The following POLRMT variants were observed in gnomAD, a reference collection of about 807,000 sequenced individuals.
POLRMT encodes the protein DNA-directed RNA polymerase, mitochondrial.
A neutral mutation model predicts 132.2 loss-of-function variants in POLRMT; 114 were observed. The ratio of observed to expected loss-of-function variants is 0.86; its 90% CI spans 0.74 to 1.01. The LOEUF is 1.01. Among genes scored for constraint, POLRMT ranks in the 50% least tolerant of loss-of-function variants. The pLI, the probability that POLRMT is intolerant of heterozygous loss-of-function variation, is 0.00. For synonymous variants in POLRMT, 1,020 were observed against 773.4 expected (o/e 1.32, Z -5.29); for missense variants, 2,003 against 1,729.1 (o/e 1.16, Z -2.81).
chr19:619,818 G>T, intron 12 of POLRMT, 53 bp from the exon 13 acceptor site: 2 of 1,549,798 alleles, frequency 1.3e-6, no homozygotes, highest in Admixed American at 1.9e-5. Flanking sequence ...CAGCCCAGGG[G>T]CCACCAAGCA....
chr19:618,821 AGGT>A, intron 15 of POLRMT, 61 bp from the exon 16 acceptor site: 1 of 1,522,274 alleles, frequency 6.6e-7, no homozygotes, highest in Non-Finnish European at 8.9e-7. Flanking sequence ...TGGTACATTG[AGGT>A]GGTGGTACAC....
chr19:622,459 T>C, intron 8 of POLRMT, 86 bp from the exon 9 acceptor site: 3 of 1,461,624 alleles, frequency 2.1e-6, no homozygotes, highest in Non-Finnish European at 2.7e-6. Flanking sequence ...CGGTGGGGCA[T>C]CTGTCAGCCC....
intron 3 of POLRMT, among the ~76,000 whole-genome samples, chr19:628,352 A>G (rs1229052819): frequency 6.6e-6 from 1 of 152,316 alleles, no homozygotes; most frequent in East Asian, 1.9e-4. Flanking sequence ...CCTCATCCTC[A>G]GTCCTCCCGG....
Position 620,124 on chromosome 19 carries a change from G to A in POLRMT, c.2764-44C>T, listed in dbSNP as rs565558104. ...ACGGGAGATGGAAGCTAGAGAGGCA[G>A]AGACGTGTGGGACCCCAAACCACCC... is the stretch of plus-strand genomic sequence containing the variant. On this transcript the variant is annotated intron_variant, in intron 11 of 20. Coordinates refer to ENST00000588649, the MANE Select transcript of POLRMT (RefSeq NM_005035.4). 63 of 1,531,858 alleles carry A rather than the reference G, an allele frequency of 4.1e-5. 1 individual carries two copies. The African/African-American group carries it at 5.2e-4, about 13-fold the overall frequency. 94.9% of individuals were successfully genotyped at this position (1,531,858 alleles called of 1,614,324 possible).
intron 3 of POLRMT, chr19:625,509 C>T: frequency 2.2e-6 from 1 of 453,608 alleles, no homozygotes; most frequent in Admixed American, 3.9e-5. Context: ...CTTGTTAAAC[C>T]TCCAGATTTG....
At position 630,209 on chromosome 19, in the gene POLRMT, C is replaced by T. The variant is rs746181157; in HGVS notation, c.194-41G>A. 111 of 1,531,836 alleles carry T rather than the reference C, an allele frequency of 7.2e-5. 3 individuals are homozygous for T. In the South Asian group the frequency reaches 1.3e-3, roughly 18 times the overall value. The allele number at this position is 1,531,836 out of a possible 1,614,324, so 94.9% of individuals were successfully genotyped here. A position where few individuals can be genotyped will look rare whatever the true frequency, so the allele number is the denominator to read the frequency against. On this transcript the variant is annotated intron_variant, in intron 2 of 20. Coordinates refer to ENST00000588649, the MANE Select transcript of POLRMT (RefSeq NM_005035.4). ...GGCGAGGACATGAGAGGGACCCCCTCCCCATTCGAGCACCCGTCTCTCTGG... is the reference window on the plus strand; with the variant it reads ...GGCGAGGACATGAGAGGGACCCCCTTCCCATTCGAGCACCCGTCTCTCTGG...
rs1031436684 is a variant in POLRMT at position 619,684 on chromosome 19, C to T, written c.2968G>A (p.Val990Met). The T allele has an allele frequency of 1.2e-5, 20 of 1,610,092 alleles. No individual in the cohort carries two copies. Among genetic ancestry groups the T allele is most frequent in the Admixed American group, 1.7e-5 (1 of 59,840 alleles). Residue 990 changes from valine (V) to methionine (M), a missense_variant, in exon 13 of 21, where the codon GTG (valine) becomes ATG (methionine). Val to Met is a conservative substitution (Grantham distance 21). Coordinates refer to ENST00000588649, the MANE Select transcript of POLRMT (RefSeq NM_005035.4). ...VLEGFITRKV[V>M]KQTVMTVVYG... ...ACCACCGTCATCACCGTCTGCTTCA[C>T]CACCTTGCGGGTGATGAAACCTTCC...
At chr19:620,641 G>A (rs1459537315) in intron 10 of POLRMT, among the ~76,000 whole-genome samples, 154 bp from the exon 11 acceptor site, 2 of 150,868 alleles carry the variant, frequency 1.3e-5, no homozygotes, top group African/African-American at 4.9e-5. Context: ...GGCGGTGGCT[G>A]GATGAGTTCT....
rs184250334 is a variant in POLRMT at position 628,429 on chromosome 19, C to A, written c.822+1111G>T. On this transcript the variant is annotated intron_variant, in intron 3 of 20. Transcript: ENST00000588649. ...CCGCCTCCACCTCGCGGTAAGAGCACTGCGGACTTCACCGCAAGACTGGCC... is the reference window on the plus strand; with the variant it reads ...CCGCCTCCACCTCGCGGTAAGAGCAATGCGGACTTCACCGCAAGACTGGCC... Among the ~76,000 whole-genome samples, 26 of 152,368 alleles carry A rather than the reference C, an allele frequency of 1.7e-4. 2 individuals are homozygous for A. Among genetic ancestry groups the A allele is most frequent in the Non-Finnish European group, 2.1e-4 (14 of 68,038 alleles).
At chr19:620,265 A>G (rs1442069616) in intron 11 of POLRMT, 100 bp downstream of exon 11, 2 of 1,460,528 alleles carry the variant, frequency 1.4e-6, no homozygotes, top group Admixed American at 4.9e-5. Context: ...GACCACCTCC[A>G]GAGAATACCA....
Position 617,291 on chromosome 19 carries a change from T to C in POLRMT, c.3676A>G (p.Thr1226Ala). 6.2e-7 allele frequency: 1 copy of C among 1,612,732 alleles called. No homozygotes were observed. The highest frequency in any genetic ancestry group is 1.3e-5 in the African/African-American group (1 of 74,996). Residue 1226 changes from threonine (T) to alanine (A), a missense_variant, in exon 21 of 21, where the codon ACC (threonine) becomes GCC (alanine). Physicochemically the swap from Thr to Ala is moderately conservative, Grantham distance 58 (BLOSUM62 0). Transcript: ENST00000588649. Reference sequence around the variant, plus strand: ...ACGGGGTGTCAGCTGAAGAAGTAGGTGGAACGCTTCACCTGCTCCAGGTCG... The same window carrying C: ...ACGGGGTGTCAGCTGAAGAAGTAGGCGGAACGCTTCACCTGCTCCAGGTCG... ...AFDLEQVKRS[T>A]YFFS
At position 617,829 on chromosome 19, in the gene POLRMT, G is replaced by C. The variant is rs1312414617; in HGVS notation, c.3443C>G (p.Ser1148Cys). The change falls in exon 18 of 21, where the codon TCT becomes TGT. Residue 1148 changes from serine (S) to cysteine (C), a missense_variant. By Grantham distance (112) the Ser-to-Cys change is moderately radical. Coordinates refer to ENST00000588649, the MANE Select transcript of POLRMT (RefSeq NM_005035.4). ...HCYRKGLTFV[S>C]VHDCYWTHAA... is the part of the protein sequence containing the mutation. ...GTGAGTCCAGTAACAGTCGTGCACA[G>C]AGACGAAGGTCAGGCCCTTCCTGTG... 6.2e-7 allele frequency: 1 copy of C among 1,613,176 alleles called. No homozygotes were observed. The highest frequency in any genetic ancestry group is 8.5e-7 in the Non-Finnish European group (1 of 1,179,930).
At chr19:625,092 TG>T (rs1324062043) in intron 4 of POLRMT, 31 bp downstream of exon 4, 5 of 1,600,778 alleles carry the variant, frequency 3.1e-6, no homozygotes, top group African/African-American at 1.3e-5. Context: ...AGGGACATGG[TG>T]GGGGGTGGGG....
In POLRMT at chr19:632,925, G is replaced by C; in HGVS notation, c.102C>G (p.Gly34=). ...GLPGKEGTAG[G]VCGPRRSSSA... is the part of the protein sequence containing the mutation. The stretch of plus-strand genomic sequence containing the variant: ...ACGAGCTCCTCCTGGGGCCGCAGAC[G>C]CCACCGGCGGTCCCTGCGGGAAAGA... The change falls in exon 2 of 21, where the codon GGC becomes GGG. Residue 34 remains glycine, a synonymous_variant. Coordinates refer to ENST00000588649, the MANE Select transcript of POLRMT (RefSeq NM_005035.4). The C allele has an allele frequency of 6.6e-7, 1 of 1,514,420 alleles. No individual in the cohort carries two copies. The highest frequency in any genetic ancestry group is 1.4e-5 in the African/African-American group (1 of 70,670). The allele number at this position is 1,514,420 out of a possible 1,614,324, so 93.8% of individuals were successfully genotyped here. A position where few individuals can be genotyped will look rare whatever the true frequency, so the allele number is the denominator to read the frequency against.
rs763248401 is a variant in POLRMT at position 629,603 on chromosome 19, C to T, written c.759G>A (p.Arg253=). ...CCAGCGTGAGCAGCTTCCGCTTCTG[C>T]CGCTGGCCGTGGTGGACGACCAGCA... ...HHLLVVHHGQ[R]QKRKLLTLDM... Residue 253 remains arginine (R), a synonymous_variant, in exon 3 of 21, where the codon CGG becomes CGA. Coordinates refer to ENST00000588649, the MANE Select transcript of POLRMT (RefSeq NM_005035.4). 1.2e-6 allele frequency: 2 copies of T among 1,601,930 alleles called. No individual in the cohort carries two copies. The highest frequency in any genetic ancestry group is 3.4e-5 in the Admixed American group (2 of 58,138).
intron 10 of POLRMT, among the ~76,000 whole-genome samples, 141 bp downstream of exon 10, chr19:620,902 GAGGGGAGGAGGAAGA>G (rs1984493466): frequency 6.1e-5 from 3 of 49,392 alleles, no homozygotes; most frequent in Admixed American, 1.7e-4. Flanking sequence ...AGGGGAGGGG[GAGGGGAGGAGGAAGA>G]CGGGCAGGGG....
chr19:620,173 C>T (rs914088552), intron 11 of POLRMT, 93 bp from the exon 12 acceptor site: 7 of 1,498,846 alleles, frequency 4.7e-6, no homozygotes, highest in Non-Finnish European at 5.3e-6. Flanking sequence ...GTTCCTAGGG[C>T]CGTGCACCCC....
In POLRMT at chr19:618,696, C is replaced by T. The variant is rs1984225648; in HGVS notation, c.3323+9G>A. ...CCCGGCCAGGCCCCAGCCCGGGCCC[C>T]CCACTCACCGGCTGATGTCTCCGTT... On this transcript the variant is annotated intron_variant, in intron 16 of 20. Transcript: ENST00000588649. 6.2e-7 allele frequency: 1 copy of T among 1,606,560 alleles called. No homozygotes were observed. Among genetic ancestry groups the T allele is most frequent in the Admixed American group, 1.7e-5 (1 of 59,168 alleles).
rs59746130 is a variant in POLRMT at position 626,696 on chromosome 19, C to CAAAAAAAAAAA, written c.823-1453_823-1443dup. ...GCCTGTGCTCCCTCCACTAAAAATA[C>CAAAAAAAAAAA]AAAAAAAAAAAAAAATTAGCTGGGC... On this transcript the variant is annotated intron_variant, in intron 3 of 20. Transcript: ENST00000588649. 1.9e-4 allele frequency among the ~76,000 whole-genome samples: 20 copies of CAAAAAAAAAAA among 105,020 alleles called. 1 individual carries two copies. Among genetic ancestry groups the CAAAAAAAAAAA allele is most frequent in the African/African-American group, 6.9e-4 (16 of 23,136 alleles). The allele number at this position is 105,020 out of a possible 152,430, so 68.9% of individuals were successfully genotyped here. A position where few individuals can be genotyped will look rare whatever the true frequency, so the allele number is the denominator to read the frequency against.
Sources: gnomAD v4.1 joint callset for allele counts (sites outside exome capture counted in the v4.1 genomes callset) on GRCh38, gnomAD v4.1.1 for gene constraint, MANE v1.5 for transcripts, NCBI Gene and HGNC (gene_info 2026-07-23, HGNC 2026-07-21) for gene names.